Variants in PSMG4 observed in about 807,000 individuals in gnomAD.
PSMG4 encodes proteasome assembly chaperone 4.
In PSMG4, 10 loss-of-function variants were observed where a neutral mutation model predicts 11.0. The ratio of observed to expected loss-of-function variants is 0.91; its 90% CI spans 0.56 to 1.54. The LOEUF is 1.54. PSMG4 is among the 40% of genes most tolerant of loss of function. The pLI is 0.00. For missense variants in PSMG4, 198 were observed against 160.9 expected (o/e 1.23, Z -1.25); for synonymous variants, 95 against 71.3 (o/e 1.33, Z -1.68).
In PSMG4 at chr6:3,264,824, C is replaced by CT. The variant is rs760310756; in HGVS notation, c.250+1074dup. Reference sequence around the variant, plus strand: ...CACCCTTCCCTCTTTGTGTTTGTATCTTTTTTTTTCTGAGCCACATGAAAG... The same window carrying CT: ...CACCCTTCCCTCTTTGTGTTTGTATCTTTTTTTTTTCTGAGCCACATGAAAG... On this transcript the variant is annotated intron_variant, in intron 2 of 2. Coordinates refer to ENST00000438998, the MANE Select transcript of PSMG4 (RefSeq NM_001128591.2). The CT allele has an allele frequency of 2.7e-3, 422 of 156,308 alleles. 1 individual carries two copies. Among genetic ancestry groups the CT allele is most frequent in the Non-Finnish European group, 5.0e-3 (353 of 70,792 alleles). 9.7% of individuals were successfully genotyped at this position (156,308 alleles called of 1,614,324 possible). A position where few individuals can be genotyped will look rare whatever the true frequency, so the allele number is the denominator to read the frequency against.
chr6:3,260,294 T>A lies in PSMG4; in HGVS notation c.174+1098T>A, dbSNP rs868439437. ...CTTAAATTGTATATATATATATATT[T>A]TTTTTTTTTTTTTTTGAAGCAAAGT... On this transcript the variant is annotated intron_variant, in intron 1 of 2. Coordinates refer to ENST00000438998, the MANE Select transcript of PSMG4 (RefSeq NM_001128591.2). 5.6e-3 allele frequency among the ~76,000 whole-genome samples: 737 copies of A among 131,948 alleles called. 7 individuals carry two copies. The Middle Eastern group carries it at 0.058, about 10-fold the overall frequency. The allele number at this position is 131,948 out of a possible 152,430, so 86.6% of individuals were successfully genotyped here.
upstream of PSMG4, among the ~76,000 whole-genome samples, chr6:3,257,100 G>A (rs1483396325): frequency 6.6e-6 from 1 of 152,206 alleles, no homozygotes; most frequent in Non-Finnish European, 1.5e-5. Context: ...CATTTTAGGA[G>A]AGGGACAAGG....
chr6:3,255,089 G>C (rs200773005), upstream of PSMG4: 2 of 1,550,770 alleles, frequency 1.3e-6, no homozygotes, highest in Non-Finnish European at 1.7e-6. Context: ...TTCCTAAGAA[G>C]TTGGCTGCAT....
At chr6:3,258,017 A>G (rs1757824323), upstream of PSMG4, among the ~76,000 whole-genome samples, 1 of 152,244 alleles carries the variant, frequency 6.6e-6, no homozygotes, top group South Asian at 2.1e-4. Flanking sequence ...CAGACCTTTT[A>G]TAGTTCCAAG....
In PSMG4 at chr6:3,258,954, C is replaced by T. The variant is rs1224267522; in HGVS notation, c.-69C>T. The stretch of plus-strand genomic sequence containing the variant: ...CTCGGTCTCTCGGTGCTCGCTCCAT[C>T]GGGTCTGGCGGGGCTGGCAGCGGCG... On this transcript the variant is annotated 5_prime_UTR_variant, in exon 1 of 3. Transcript: ENST00000438998. 2 of 1,217,624 alleles carry T rather than the reference C, an allele frequency of 1.6e-6. No individual in the cohort carries two copies. The highest frequency in any genetic ancestry group is 2.1e-6 in the Non-Finnish European group (2 of 973,204). The allele number at this position is 1,217,624 out of a possible 1,614,324, so 75.4% of individuals were successfully genotyped here. A position where few individuals can be genotyped will look rare whatever the true frequency, so the allele number is the denominator to read the frequency against.
At chr6:3,259,296 G>A (rs1757878040) in intron 1 of PSMG4, 100 bp downstream of exon 1, 3 of 1,094,822 alleles carry the variant, frequency 2.7e-6, no homozygotes, top group Non-Finnish European at 3.5e-6. Context: ...TGGGTCCACA[G>A]GGCGCCCTAC....
intron 1 of PSMG4, among the ~76,000 whole-genome samples, chr6:3,260,293 T>TATATATA (rs1561840992): frequency 6.7e-5 from 6 of 89,710 alleles, no homozygotes; most frequent in African/African-American, 2.8e-4. Context: ...ATATATATAT[T>TATATATA]TTTTTTTTTT....
chr6:3,260,895 T>G lies in PSMG4; in HGVS notation c.174+1699T>G, dbSNP rs148601278. Among the ~76,000 whole-genome samples, 968 of 152,366 alleles carry G rather than the reference T, an allele frequency of 6.4e-3. 6 individuals are homozygous for G. Among genetic ancestry groups the G allele is most frequent in the Middle Eastern group, 0.024 (7 of 294 alleles). The stretch of plus-strand genomic sequence containing the variant: ...AGTGACCTTCGGGCTCTGTTACCTC[T>G]TAGAGCTCCTGCCTGTCCTCGAGCT... On this transcript the variant is annotated intron_variant, in intron 1 of 2. Coordinates refer to ENST00000438998, the MANE Select transcript of PSMG4 (RefSeq NM_001128591.2).
rs191880894 is a variant in PSMG4 at position 3,261,943 on chromosome 6, G to A, written c.175-1741G>A. Among the ~76,000 whole-genome samples the A allele has an allele frequency of 5.4e-3, 821 of 152,346 alleles. 32 individuals are homozygous for A. Among genetic ancestry groups the A allele is most frequent in the Admixed American group, 0.05 (771 of 15,306 alleles). ...GGAATTTTGCCAGCCCACACGTGGA[G>A]AATGGCACCAGACGGTCTGTGAGGT... On this transcript the variant is annotated intron_variant, in intron 1 of 2. Coordinates refer to ENST00000438998, the MANE Select transcript of PSMG4 (RefSeq NM_001128591.2).
chr6:3,265,733 T>TG (rs1369654487), intron 2 of PSMG4: 1 of 152,080 alleles, frequency 6.6e-6, no homozygotes, highest in Non-Finnish European at 1.5e-5. Context: ...TCCCTAATGG[T>TG]GGGGGAAGCC....
chr6:3,255,001 C>T, upstream of PSMG4: 2 of 1,537,588 alleles, frequency 1.3e-6, no homozygotes, highest in African/African-American at 1.4e-5. Flanking sequence ...ACCTAGCGCA[C>T]TCCCATGTGG....
rs575471033 is a variant in PSMG4, at chr6:3,260,720, T to TC, written c.174+1525dup. Among the ~76,000 whole-genome samples the TC allele has an allele frequency of 7.2e-4, 109 of 152,316 alleles. 1 individual carries two copies. The South Asian group carries it at 7.7e-3, about 11-fold the overall frequency. On this transcript the variant is annotated intron_variant, in intron 1 of 2. Transcript: ENST00000438998. ...TCATAGGTACCCAGAGGTTAGGACTTCAACATATTTTTTGGGGAGACACAA... is the reference window on the plus strand; with the variant it reads ...TCATAGGTACCCAGAGGTTAGGACTTCCAACATATTTTTTGGGGAGACACAA...
chr6:3,261,155 G>A (rs1000035343), intron 1 of PSMG4, among the ~76,000 whole-genome samples: 1 of 152,260 alleles, frequency 6.6e-6, no homozygotes, highest in African/African-American at 2.4e-5. Context: ...GAGCCTCTTA[G>A]CTGTGCACAG....
At chr6:3,260,812 T>G (rs1247974191) in intron 1 of PSMG4, among the ~76,000 whole-genome samples, 1 of 152,194 alleles carries the variant, frequency 6.6e-6, no homozygotes, top group Non-Finnish European at 1.5e-5. Flanking sequence ...AAGTTGGATA[T>G]TTTCATTTCT....
In PSMG4 at chr6:3,267,714, T is replaced by A. The variant is rs767961862; in HGVS notation, c.*2T>A. On this transcript the variant is annotated 3_prime_UTR_variant, in exon 3 of 3. Coordinates refer to ENST00000438998, the MANE Select transcript of PSMG4 (RefSeq NM_001128591.2). ...GAGGCTTTCCCCGAAAAGTTCTAGC[T>A]GAGTGGCAGAAGTGAGAATTTGTAA... 1 of 1,551,854 alleles carries A rather than the reference T, an allele frequency of 6.4e-7. No individual in the cohort carries two copies. The highest frequency in any genetic ancestry group is 8.7e-7 in the Non-Finnish European group (1 of 1,146,856).
intron 2 of PSMG4, chr6:3,267,332 C>T (rs1398301245): frequency 3.2e-6 from 1 of 310,470 alleles, no homozygotes; most frequent in African/African-American, 2.1e-5. Context: ...GCAGCTGCCT[C>T]TCGAACAAGT....
chr6:3,258,928 G>T (rs1345866760), upstream of PSMG4: 8 of 1,166,046 alleles, frequency 6.9e-6, no homozygotes, highest in Non-Finnish European at 8.6e-6. Context: ...GCGAAAGCGC[G>T]CTCGGTCTCT....
At chr6:3,255,171 A>G, upstream of PSMG4, 2 of 1,550,820 alleles carry the variant, frequency 1.3e-6, no homozygotes, top group Non-Finnish European at 8.7e-7. Flanking sequence ...CTGACGGCTT[A>G]CATGTGCGCT....
At chr6:3,267,326 C>T in intron 2 of PSMG4, 1 of 302,218 alleles carries the variant, frequency 3.3e-6, no homozygotes, top group Non-Finnish European at 6.3e-6. Context: ...GGCCCAGCAG[C>T]TGCCTCTCGA....
Sources: allele counts gnomAD v4.1 joint callset (sites outside exome capture counted in the v4.1 genomes callset), GRCh38; gene constraint gnomAD v4.1.1; transcripts MANE v1.5; gene names NCBI Gene and HGNC (gene_info 2026-07-23, HGNC 2026-07-21).